The following KIFC3 variants were observed in gnomAD, a reference collection of about 807,000 sequenced individuals.
The protein encoded by KIFC3 is kinesin family member C3.
Under a neutral mutation model 101.8 loss-of-function variants are expected in KIFC3, and 60 were observed. The observed-to-expected ratio is 0.59, with a 90% confidence interval of 0.48 to 0.73. The LOEUF (loss-of-function observed/expected upper bound fraction) is 0.73. Ranked by LOEUF, KIFC3 falls within the 30% of genes least tolerant of loss-of-function variation. The pLI, the probability that KIFC3 is intolerant of heterozygous loss-of-function variation, is 0.00. For missense variants in KIFC3, 966 were observed against 1,137.1 expected (o/e 0.85, Z 2.16); for synonymous variants, 476 against 482.7 (o/e 0.99, Z 0.18).
intron 3 of KIFC3, among the ~76,000 whole-genome samples, chr16:57,780,734 G>C (rs1479391295): frequency 3.6e-5 from 5 of 140,686 alleles, no homozygotes; most frequent in Non-Finnish European, 6.1e-5. Flanking sequence ...GAGTGCAGTG[G>C]CGCAATCTTG....
intron 3 of KIFC3, among the ~76,000 whole-genome samples, chr16:57,789,921 G>C (rs2053702229): frequency 6.6e-6 from 1 of 151,800 alleles, no homozygotes; most frequent in South Asian, 2.1e-4. Flanking sequence ...ATTTTTAATA[G>C]AGACAGGGTT....
chr16:57,842,870 G>A (rs2055840582), intron 1 of KIFC3, among the ~76,000 whole-genome samples: 1 of 152,148 alleles, frequency 6.6e-6, no homozygotes, highest in African/African-American at 2.4e-5. Context: ...AGTGGCTCAT[G>A]CCTGCAATCC....
chr16:57,820,308 C>T (rs2055322162), intron 1 of KIFC3, among the ~76,000 whole-genome samples: 1 of 152,188 alleles, frequency 6.6e-6, no homozygotes, highest in Non-Finnish European at 1.5e-5. Context: ...CTCACTTTGT[C>T]ACCCAGGCTG....
intron 1 of KIFC3, among the ~76,000 whole-genome samples, chr16:57,849,201 G>A (rs1431623692): frequency 6.6e-6 from 1 of 152,158 alleles, no homozygotes; most frequent in African/African-American, 2.4e-5. Context: ...CCAATTTAAG[G>A]CAACTACCAT....
chr16:57,772,387 G>A (rs1174563016), intron 3 of KIFC3, 99 bp from the exon 4 acceptor site: 24 of 1,024,458 alleles, frequency 2.3e-5, no homozygotes, highest in Non-Finnish European at 3.3e-5. Flanking sequence ...ATGTGGCTGT[G>A]GCTTCTTCTA....
At chr16:57,775,600 G>C in intron 3 of KIFC3, 2 of 985,762 alleles carry the variant, frequency 2.0e-6, no homozygotes, top group Non-Finnish European at 2.4e-6. Flanking sequence ...GCCTTCCTCA[G>C]GGAAGACTGA....
intron 3 of KIFC3, chr16:57,775,912 C>T (rs892701098): frequency 2.2e-5 from 22 of 985,570 alleles, no homozygotes; most frequent in African/African-American, 1.9e-4. Context: ...AACTGAATCA[C>T]GGGCCTGCTG....
At chr16:57,817,967 C>T (rs957874502) in intron 1 of KIFC3, among the ~76,000 whole-genome samples, 1 of 152,140 alleles carries the variant, frequency 6.6e-6, no homozygotes, top group Admixed American at 6.5e-5. Flanking sequence ...CTTAGCATTT[C>T]ATCACTTACA....
At chr16:57,790,844 A>G (rs545466677) in intron 3 of KIFC3, 1 of 841,744 alleles carries the variant, frequency 1.2e-6, no homozygotes, top group East Asian at 1.2e-4. Flanking sequence ...AAGAAAAGTG[A>G]CATCAGCAGG....
Position 57,771,180 on chromosome 16 carries a change from A to C in KIFC3, c.765+18T>G. 2 of 1,610,332 alleles carry C rather than the reference A, an allele frequency of 1.2e-6. No homozygotes were observed. The highest frequency in any genetic ancestry group is 1.7e-6 in the Non-Finnish European group (2 of 1,178,692). On this transcript the variant is annotated intron_variant, in intron 6 of 19. Transcript: ENST00000445690. Reference sequence around the variant, plus strand: ...GGGGCCTTGGGCTGAGGCACAGATCAGGTGGGCCAGGGCTCACCTTGACAG... The same window carrying C: ...GGGGCCTTGGGCTGAGGCACAGATCCGGTGGGCCAGGGCTCACCTTGACAG...
chr16:57,761,272 T>C, intron 14 of KIFC3, 101 bp from the exon 15 acceptor site: 1 of 1,582,260 alleles, frequency 6.3e-7, no homozygotes, highest in South Asian at 1.1e-5. Context: ...CCCTCCGCAG[T>C]TTAGATGAGG....
intron 3 of KIFC3, chr16:57,791,006 G>T: frequency 1.3e-6 from 1 of 784,584 alleles, no homozygotes; most frequent in Non-Finnish European, 1.5e-6. Flanking sequence ...GGCTGAGGCG[G>T]GTGGATCACC....
intron 1 of KIFC3, among the ~76,000 whole-genome samples, chr16:57,860,028 A>AAAATAAAATT (rs2056262281): frequency 1.8e-5 from 1 of 55,726 alleles, no homozygotes; most frequent in Non-Finnish European, 3.1e-5. Flanking sequence ...TCTCAAAAAT[A>AAAATAAAATT]AAATAAAATA....
chr16:57,833,669 C>A (rs952435315), intron 1 of KIFC3, among the ~76,000 whole-genome samples: 10 of 152,112 alleles, frequency 6.6e-5, no homozygotes, highest in South Asian at 4.1e-4. Flanking sequence ...CTACTCCCGA[C>A]TTTGGGTGAG....
At chr16:57,795,953 G>A (rs1275201747) in intron 2 of KIFC3, among the ~76,000 whole-genome samples, 1 of 144,426 alleles carries the variant, frequency 6.9e-6, no homozygotes, top group East Asian at 2.1e-4. Context: ...GAGTGCAGTG[G>A]TGCGATCTTG....
chr16:57,833,614 C>G (rs965071076), intron 1 of KIFC3, among the ~76,000 whole-genome samples: 1 of 152,124 alleles, frequency 6.6e-6, no homozygotes, highest in Non-Finnish European at 1.5e-5. Context: ...ATCGGGACTC[C>G]CATGGTGTCA....
intron 2 of KIFC3, among the ~76,000 whole-genome samples, chr16:57,795,884 GTTTTTT>G (rs797031930): frequency 5.1e-5 from 3 of 58,786 alleles, no homozygotes; most frequent in African/African-American, 9.9e-5. Context: ...GGGCTTTTTT[GTTTTTT>G]TTTTTTTTTT....
intron 12 of KIFC3, among the ~76,000 whole-genome samples, chr16:57,763,217 C>G (rs1357666596): frequency 6.6e-6 from 1 of 152,170 alleles, no homozygotes; most frequent in Non-Finnish European, 1.5e-5. Flanking sequence ...CCTGATACAC[C>G]TTATGCATCA....
intron 10 of KIFC3, 47 bp downstream of exon 10, chr16:57,766,827 T>C: frequency 7.2e-7 from 1 of 1,387,392 alleles, no homozygotes; most frequent in Non-Finnish European, 1.0e-6. Flanking sequence ...CCAAGCCAGG[T>C]CGAGGACCCC....
Sources: allele counts gnomAD v4.1 joint callset (sites outside exome capture counted in the v4.1 genomes callset), GRCh38; gene constraint gnomAD v4.1.1; transcripts MANE v1.5; gene names NCBI Gene and HGNC (gene_info 2026-07-23, HGNC 2026-07-21).